The following ST8SIA6 variants were observed in gnomAD, a reference collection of about 807,000 sequenced individuals.
ST8SIA6 encodes the protein ST8 alpha-N-acetyl-neuraminide alpha-2,8-sialyltransferase 6, also known as alpha-2,8-sialyltransferase 8F.
A neutral mutation model predicts 33.6 loss-of-function variants in ST8SIA6; 39 were observed. That is an observed-to-expected ratio of 1.16 (90% confidence interval 0.90 to 1.52). ST8SIA6 has a LOEUF of 1.52. ST8SIA6 is among the 40% of genes most tolerant of loss of function. The probability of loss-of-function intolerance (pLI) is 0.00; values close to 1 mark genes in which losing one functional copy is unlikely to be tolerated. For missense variants in ST8SIA6, 441 were observed against 443.8 expected, an observed-to-expected ratio of 0.99 and a Z score of 0.06; for synonymous variants, 172 against 167.2, an observed-to-expected ratio of 1.03 and a Z score of -0.22.
At chr10:17,411,382 C>T (rs1472953514) in intron 2 of ST8SIA6, among the ~76,000 whole-genome samples, 2 of 152,110 alleles carry the variant, frequency 1.3e-5, no homozygotes, top group East Asian at 1.9e-4. Context: ...GGGGTTTCAC[C>T]ATGTTGGCCA....
At chr10:17,432,311 A>C (rs768645174) in intron 2 of ST8SIA6, among the ~76,000 whole-genome samples, 1 of 152,166 alleles carries the variant, frequency 6.6e-6, no homozygotes, top group African/African-American at 2.4e-5. Context: ...GTTTGTATTT[A>C]AAAGGACCAC....
chr10:17,358,061 C>T (rs1478106015), intron 4 of ST8SIA6, among the ~76,000 whole-genome samples: 2 of 152,142 alleles, frequency 1.3e-5, no homozygotes, highest in East Asian at 1.9e-4. Context: ...GAAATGAAAT[C>T]GTTAAACAGG....
chr10:17,353,634 A>G (rs1298462594), intron 4 of ST8SIA6, among the ~76,000 whole-genome samples: 2 of 152,224 alleles, frequency 1.3e-5, no homozygotes, highest in Non-Finnish European at 2.9e-5. Context: ...GGGATAATAC[A>G]AGATTTAATA....
At position 17,320,488 on chromosome 10, in the gene ST8SIA6, A is replaced by G. The variant is rs11254523; in HGVS notation, c.*390T>C. 0.32 allele frequency: 54,955 copies of G among 174,224 alleles called. 9,364 individuals carry two copies. The highest frequency in any genetic ancestry group is 0.42 in the Middle Eastern group (143 of 344). The allele number at this position is 174,224 out of a possible 1,614,324, so 10.8% of individuals were successfully genotyped here. ...TGCCACAGAAAGAAATCCAATGGATACTGGTAATGCAGCTATTCTCTTTAG... is the reference window on the plus strand; with the variant it reads ...TGCCACAGAAAGAAATCCAATGGATGCTGGTAATGCAGCTATTCTCTTTAG... On this transcript the variant is annotated 3_prime_UTR_variant, in exon 8 of 8. Coordinates refer to ENST00000377602, the MANE Select transcript of ST8SIA6 (RefSeq NM_001004470.3).
intron 3 of ST8SIA6, among the ~76,000 whole-genome samples, chr10:17,369,823 T>A (rs1849675179): frequency 6.6e-6 from 1 of 152,208 alleles, no homozygotes; most frequent in Non-Finnish European, 1.5e-5. Flanking sequence ...AAAAGTCTAT[T>A]CTGTCTGATA....
At chr10:17,371,635 A>C (rs1283442960) in intron 3 of ST8SIA6, among the ~76,000 whole-genome samples, 1 of 151,756 alleles carries the variant, frequency 6.6e-6, no homozygotes, top group African/African-American at 2.4e-5. Flanking sequence ...AAATACAAAA[A>C]GTTAGCAGGG....
At chr10:17,427,818 C>A (rs972536486) in intron 2 of ST8SIA6, among the ~76,000 whole-genome samples, 10 of 152,216 alleles carry the variant, frequency 6.6e-5, no homozygotes, top group Non-Finnish European at 1.3e-4. Context: ...TAAGGCGATG[C>A]CTTGCACTTC....
chr10:17,366,156 C>T (rs1022429049), intron 3 of ST8SIA6, among the ~76,000 whole-genome samples: 13 of 152,262 alleles, frequency 8.5e-5, no homozygotes, highest in South Asian at 4.1e-4. Flanking sequence ...GCAGTGGCAC[C>T]GACATTTCAT....
At chr10:17,357,170 T>C (rs887235803) in intron 4 of ST8SIA6, among the ~76,000 whole-genome samples, 3 of 151,374 alleles carry the variant, frequency 2.0e-5, no homozygotes, top group Non-Finnish European at 2.9e-5. Flanking sequence ...CTCTCTGTCA[T>C]GTCACCCAGG....
At chr10:17,362,931 C>G (rs767763864) in intron 3 of ST8SIA6, among the ~76,000 whole-genome samples, 16 of 151,978 alleles carry the variant, frequency 1.1e-4, no homozygotes, top group Non-Finnish European at 2.1e-4. Context: ...AGGCTGATCT[C>G]GAACTCCTGA....
intron 2 of ST8SIA6, among the ~76,000 whole-genome samples, chr10:17,445,106 G>A (rs1418107998): frequency 6.7e-6 from 1 of 150,284 alleles, no homozygotes; most frequent in African/African-American, 2.4e-5. Context: ...AAAATCAAGT[G>A]TTCTAGAGTT....
At chr10:17,353,720 G>T (rs187102562) in intron 4 of ST8SIA6, among the ~76,000 whole-genome samples, 17 of 152,270 alleles carry the variant, frequency 1.1e-4, no homozygotes, top group Non-Finnish European at 2.1e-4. Flanking sequence ...TCATTTGAAA[G>T]GTATCTCATT....
intron 4 of ST8SIA6, among the ~76,000 whole-genome samples, chr10:17,333,698 T>G (rs1374862325): frequency 3.1e-4 from 8 of 25,708 alleles, no homozygotes; most frequent in Middle Eastern, 0.01. Flanking sequence ...TATATATATA[T>G]ATATATATAT....
intron 2 of ST8SIA6, among the ~76,000 whole-genome samples, chr10:17,422,806 A>T (rs1442936956): frequency 2.6e-5 from 4 of 152,228 alleles, no homozygotes; most frequent in Non-Finnish European, 5.9e-5. Flanking sequence ...TATCACTTAA[A>T]AGCCAACTGA....
intron 5 of ST8SIA6, among the ~76,000 whole-genome samples, chr10:17,330,636 C>T (rs1344621533): frequency 6.6e-6 from 1 of 152,136 alleles, no homozygotes; most frequent in East Asian, 1.9e-4. Flanking sequence ...AATCTCATAT[C>T]CTACAGTTAG....
rs1196936746 is a variant in ST8SIA6 at position 17,332,461 on chromosome 10, T to G, written c.378-909A>C. On this transcript the variant is annotated intron_variant, in intron 4 of 7. Transcript: ENST00000377602. ...CACAGCCTCACCAGCATCTATTTCT[T>G]GACTTTGTTTTTTTATTTTTTGAGA... Among the ~76,000 whole-genome samples the G allele has an allele frequency of 2.0e-5, 3 of 152,244 alleles. No individual in the cohort carries two copies. In the East Asian group the frequency reaches 5.8e-4, roughly 29 times the overall value.
chr10:17,452,883 T>G (rs1852965886), intron 2 of ST8SIA6, among the ~76,000 whole-genome samples: 1 of 152,118 alleles, frequency 6.6e-6, no homozygotes, highest in Non-Finnish European at 1.5e-5. Flanking sequence ...ATTTTTGAAA[T>G]ATATGTATAT....
chr10:17,431,292 T>G (rs1223473818), intron 2 of ST8SIA6, among the ~76,000 whole-genome samples: 4 of 152,126 alleles, frequency 2.6e-5, no homozygotes, highest in Non-Finnish European at 4.4e-5. Context: ...GGAAAGAAAG[T>G]CAGGGCAGGT....
intron 4 of ST8SIA6, among the ~76,000 whole-genome samples, chr10:17,358,649 GAATAAGGAGGAGGAGGA>G: frequency 8.2e-6 from 1 of 122,660 alleles, no homozygotes; most frequent in African/African-American, 3.0e-5. Context: ...AGAAGAAAAA[GAATAAGGAGGAGGAGGA>G]AAGAAGAAAG....
Sources: allele counts gnomAD v4.1 joint callset (sites outside exome capture counted in the v4.1 genomes callset), GRCh38; gene constraint gnomAD v4.1.1; transcripts MANE v1.5; gene names NCBI Gene and HGNC (gene_info 2026-07-23, HGNC 2026-07-21).